The following ARHGAP22 variants were observed in gnomAD, a reference collection of about 807,000 sequenced individuals.
The protein encoded by ARHGAP22 is rho GTPase-activating protein 22.
ARHGAP22 carries 48 observed loss-of-function variants against 59.1 expected under a neutral mutation model. The ratio of observed to expected loss-of-function variants is 0.81; its 90% confidence interval spans 0.64 to 1.03. The LOEUF (loss-of-function observed/expected upper bound fraction) is 1.03. Among genes scored for constraint, ARHGAP22 ranks in the 50% least tolerant of loss-of-function variants. The pLI, the probability that ARHGAP22 is intolerant of heterozygous loss-of-function variation, is 0.00. For synonymous variants in ARHGAP22, 445 were observed against 416.4 expected (o/e 1.07, Z -0.84); for missense variants, 1,015 against 958.7 (o/e 1.06, Z -0.78).
intron 3 of ARHGAP22, among the ~76,000 whole-genome samples, chr10:48,491,854 A>G (rs1015347729): frequency 6.6e-6 from 1 of 152,222 alleles, no homozygotes; most frequent in African/African-American, 2.4e-5. Flanking sequence ...CTGTGTGTGT[A>G]TGTACCAGGG....
intron 3 of ARHGAP22, among the ~76,000 whole-genome samples, chr10:48,531,806 T>C (rs2054878321): frequency 6.6e-6 from 1 of 152,158 alleles, no homozygotes; most frequent in South Asian, 2.1e-4. Flanking sequence ...ATGATAAATG[T>C]TTTTTGGGGA....
chr10:48,601,958 T>C (rs1049113654), intron 1 of ARHGAP22, among the ~76,000 whole-genome samples: 8 of 152,202 alleles, frequency 5.3e-5, no homozygotes, highest in African/African-American at 1.7e-4. Context: ...CTTCAGATAG[T>C]GTTGGGTTAG....
At chr10:48,521,846 C>T (rs535941113) in intron 3 of ARHGAP22, among the ~76,000 whole-genome samples, 7 of 152,324 alleles carry the variant, frequency 4.6e-5, no homozygotes, top group African/African-American at 1.2e-4. Flanking sequence ...GGAGACCATA[C>T]CTCCAATCCA....
chr10:48,652,304 T>A, exon 1 of ARHGAP22: 1 of 1,535,338 alleles, frequency 6.5e-7, no homozygotes, highest in Non-Finnish European at 8.7e-7. Flanking sequence ...TGGCAGTCTG[T>A]GCAAATTTCT....
chr10:48,583,299 G>T, intron 1 of ARHGAP22, 147 bp from the exon 2 acceptor site: 2 of 902,304 alleles, frequency 2.2e-6, no homozygotes, highest in South Asian at 1.7e-5. Context: ...CTTCCCCTTG[G>T]CATTGAAGGG....
intron 3 of ARHGAP22, among the ~76,000 whole-genome samples, chr10:48,525,327 C>T (rs1236350988): frequency 1.3e-5 from 2 of 152,314 alleles, no homozygotes; most frequent in East Asian, 1.9e-4. Context: ...AATCCCAGTA[C>T]TTTAGGAGGC....
chr10:48,525,939 A>G (rs1357816671), intron 3 of ARHGAP22, among the ~76,000 whole-genome samples: 1 of 152,122 alleles, frequency 6.6e-6, no homozygotes, highest in Non-Finnish European at 1.5e-5. Context: ...TAAAGTAAAT[A>G]ATCAATTTAC....
chr10:48,449,906 G>C (rs2045727721), intron 9 of ARHGAP22, among the ~76,000 whole-genome samples: 1 of 152,224 alleles, frequency 6.6e-6, no homozygotes, highest in Admixed American at 6.5e-5. Context: ...CTTGTACTGG[G>C]ACAAGCCTGG....
At chr10:48,572,679 T>G (rs2058471686) in intron 2 of ARHGAP22, among the ~76,000 whole-genome samples, 1 of 152,200 alleles carries the variant, frequency 6.6e-6, no homozygotes, top group South Asian at 2.1e-4. Context: ...AATTCCTGCC[T>G]TACCATCCAT....
chr10:48,643,764 A>ATATATAT (rs1554964584), intron 1 of ARHGAP22, among the ~76,000 whole-genome samples: 1 of 144,268 alleles, frequency 6.9e-6, no homozygotes, highest in South Asian at 2.2e-4. Flanking sequence ...AAAAAAAAAA[A>ATATATAT]ATATATATAT....
intron 1 of ARHGAP22, among the ~76,000 whole-genome samples, chr10:48,623,176 C>A (rs781046306): frequency 2.6e-5 from 4 of 152,184 alleles, no homozygotes; most frequent in Non-Finnish European, 5.9e-5. Flanking sequence ...AGGAGCTTGG[C>A]ATTATCCTCC....
intron 1 of ARHGAP22, among the ~76,000 whole-genome samples, chr10:48,611,477 C>A (rs3845284): frequency 0.48 from 72,152 of 151,894 alleles, 17,325 homozygotes; most frequent in Admixed American, 0.54. Flanking sequence ...CTGCCCTTCC[C>A]CAACCGTACC....
intron 3 of ARHGAP22, among the ~76,000 whole-genome samples, chr10:48,552,476 C>T (rs1382774385): frequency 6.6e-6 from 1 of 152,272 alleles, no homozygotes; most frequent in Non-Finnish European, 1.5e-5. Context: ...TGCCACCCTT[C>T]ACCCACCCAG....
chr10:48,451,478 C>T lies in ARHGAP22; in HGVS notation c.989-338G>A, dbSNP rs768694671. 8.5e-6 allele frequency: 6 copies of T among 702,538 alleles called. No homozygotes were observed. The South Asian group carries it at 8.9e-5, about 10-fold the overall frequency. The allele number at this position is 702,538 out of a possible 1,614,324, so 43.5% of individuals were successfully genotyped here. On this transcript the variant is annotated intron_variant, in intron 8 of 9. Coordinates refer to ENST00000249601, the MANE Select transcript of ARHGAP22 (RefSeq NM_021226.4). ...GCAGGTGGCAGGTTGGAACTGGAAC[C>T]TGGGACCTGAGATGCCAGAACTCTC...
intron 5 of ARHGAP22, among the ~76,000 whole-genome samples, chr10:48,456,117 G>A (rs532502292): frequency 7.6e-4 from 116 of 152,180 alleles, no homozygotes; most frequent in Admixed American, 3.1e-3. Flanking sequence ...GTTCCAAGCC[G>A]TATATGGGCC....
Position 48,465,760 on chromosome 10 carries a change from C to G in ARHGAP22, c.452-5869G>C, listed in dbSNP as rs1261798886. Among the ~76,000 whole-genome samples the G allele has an allele frequency of 2.0e-5, 3 of 152,172 alleles. No individual in the cohort carries two copies. In the East Asian group the frequency reaches 5.8e-4, roughly 29 times the overall value. On this transcript the variant is annotated intron_variant, in intron 4 of 9. Coordinates refer to ENST00000249601, the MANE Select transcript of ARHGAP22 (RefSeq NM_021226.4). ...AAGAGGCACAATGAGGAAAGTAATT[C>G]TAAAATTCTCTCTAGAGACTCCCAA...
At chr10:48,547,659 C>G (rs982394131) in intron 3 of ARHGAP22, among the ~76,000 whole-genome samples, 8 of 152,236 alleles carry the variant, frequency 5.3e-5, no homozygotes, top group Non-Finnish European at 8.8e-5. Context: ...TCTCCTCCTC[C>G]TCCTTTTCCT....
downstream of ARHGAP22, among the ~76,000 whole-genome samples, chr10:48,442,347 A>T (rs527763582): frequency 6.6e-6 from 1 of 152,326 alleles, no homozygotes; most frequent in East Asian, 1.9e-4. Flanking sequence ...TGCCGCCATC[A>T]TCCTGACTGG....
the ARHGAP22 span, among the ~76,000 whole-genome samples, chr10:48,440,123 T>C: frequency 1.2e-4 from 2 of 16,202 alleles, no homozygotes; most frequent in African/African-American, 2.0e-4. Flanking sequence ...ATTTAGGTAC[T>C]TTTTTTTTTT....
Sources: gnomAD v4.1 joint callset for allele counts (sites outside exome capture counted in the v4.1 genomes callset) on GRCh38, gnomAD v4.1.1 for gene constraint, MANE v1.5 for transcripts, NCBI Gene and HGNC (gene_info 2026-07-23, HGNC 2026-07-21) for gene names.